The following RYR3 variants were observed in gnomAD, a reference collection of about 807,000 sequenced individuals.
RYR3 encodes the protein brain ryanodine receptor-calcium release channel.
RYR3 carries 207 observed loss-of-function variants against 584.3 expected under a neutral mutation model. The observed-to-expected ratio is 0.35, with a 90% CI of 0.32 to 0.40. The LOEUF (loss-of-function observed/expected upper bound fraction) is 0.40, where lower values mean the gene tolerates loss of function less well. RYR3 is among the 10% of genes least tolerant of loss of function. The pLI is 1.00. For synonymous variants in RYR3, 2,416 were observed against 2,248.5 expected, an observed-to-expected ratio of 1.07 and a Z score of -2.11; for missense variants, 5,616 against 6,089.2, an observed-to-expected ratio of 0.92 and a Z score of 2.59.
chr15:33,656,116 T>C (rs1209259515), intron 32 of RYR3, among the ~76,000 whole-genome samples: 1 of 152,210 alleles, frequency 6.6e-6, no homozygotes, highest in Non-Finnish European at 1.5e-5. Context: ...CAGGCAGCTA[T>C]GAGGTTTGGA....
chr15:33,351,739 A>G (rs946224005), intron 1 of RYR3, among the ~76,000 whole-genome samples: 1 of 151,580 alleles, frequency 6.6e-6, no homozygotes, highest in African/African-American at 2.4e-5. Context: ...TCAATAAATT[A>G]GGTATTGATG....
In RYR3 at chr15:33,580,075, G is replaced by C; in HGVS notation, c.1368G>C (p.Glu456Asp). 1 of 1,613,646 alleles carries C rather than the reference G, an allele frequency of 6.2e-7. No individual in the cohort carries two copies. The highest frequency in any genetic ancestry group is 8.5e-7 in the Non-Finnish European group (1 of 1,179,740). ...LIAYFQPPEE[E>D]MRHEDKQNKL... is the part of the protein sequence containing the mutation. ...CCTACTTCCAGCCCCCAGAGGAGGA[G>C]ATGCGACATGAAGACAAGCAGAACA... Residue 456 changes from glutamate to aspartate, a missense_variant, in exon 13 of 104, where the codon GAG becomes GAC. Coordinates refer to ENST00000634891, the MANE Select transcript of RYR3 (RefSeq NM_001036.6).
chr15:33,556,383 A>G (rs559079685), intron 10 of RYR3, among the ~76,000 whole-genome samples: 1 of 152,290 alleles, frequency 6.6e-6, no homozygotes, highest in Non-Finnish European at 1.5e-5. Context: ...TCTGTGTTTC[A>G]GTGGCTTTCC....
chr15:33,508,486 A>G (rs1169713616), intron 3 of RYR3, among the ~76,000 whole-genome samples: 1 of 151,982 alleles, frequency 6.6e-6, no homozygotes, highest in Non-Finnish European at 1.5e-5. Context: ...CATCTCTACT[A>G]AAAATACAAA....
intron 65 of RYR3, among the ~76,000 whole-genome samples, chr15:33,781,536 C>T (rs962346452): frequency 2.0e-5 from 3 of 152,142 alleles, no homozygotes; most frequent in African/African-American, 7.2e-5. Flanking sequence ...TTTTCTTTGC[C>T]ACTGCTGTTT....
At chr15:33,719,779 C>G (rs897925422) in intron 43 of RYR3, among the ~76,000 whole-genome samples, 13 of 152,162 alleles carry the variant, frequency 8.5e-5, no homozygotes, top group African/African-American at 3.1e-4. Context: ...ATGGTAGGTT[C>G]AACTGATAGG....
At chr15:33,582,819 AAGCTG>A (rs2058661355) in intron 14 of RYR3, among the ~76,000 whole-genome samples, 1 of 152,138 alleles carries the variant, frequency 6.6e-6, no homozygotes. Context: ...TGAAGATGCA[AAGCTG>A]AGGCCCTAGA....
chr15:33,549,114 CG>C (rs2056475809), intron 9 of RYR3, among the ~76,000 whole-genome samples: 2 of 151,944 alleles, frequency 1.3e-5, no homozygotes, highest in Non-Finnish European at 2.9e-5. Flanking sequence ...TAAGGAACAC[CG>C]GTTTTAAGGA....
At chr15:33,763,910 A>G (rs1301740688) in intron 60 of RYR3, among the ~76,000 whole-genome samples, 2 of 132,310 alleles carry the variant, frequency 1.5e-5, no homozygotes, top group Non-Finnish European at 3.2e-5. Context: ...AAAAAAAAAA[A>G]AAAAAATCAG....
intron 5 of RYR3, among the ~76,000 whole-genome samples, chr15:33,534,414 TA>T (rs1473288238): frequency 6.6e-6 from 1 of 152,180 alleles, no homozygotes; most frequent in Non-Finnish European, 1.5e-5. Flanking sequence ...AAGAAAAAAG[TA>T]GTAAAACTGA....
intron 38 of RYR3, among the ~76,000 whole-genome samples, chr15:33,693,222 G>A (rs78589811): frequency 0.012 from 1,790 of 152,318 alleles, 36 homozygotes; most frequent in African/African-American, 0.041. Context: ...GCATCCATAC[G>A]TATTGGTGGT....
At chr15:33,787,820 C>G (rs1466411048) in intron 66 of RYR3, among the ~76,000 whole-genome samples, 2 of 152,208 alleles carry the variant, frequency 1.3e-5, no homozygotes, top group Admixed American at 1.3e-4. Context: ...GCAGTACTTG[C>G]TGTTAATAAA....
chr15:33,542,754 G>A (rs2055925849), intron 7 of RYR3, among the ~76,000 whole-genome samples: 1 of 151,988 alleles, frequency 6.6e-6, no homozygotes, highest in Non-Finnish European at 1.5e-5. Context: ...TTCTGACACA[G>A]ACATTGGGTA....
chr15:33,665,252 C>T (rs1376580682), intron 36 of RYR3, among the ~76,000 whole-genome samples: 1 of 152,160 alleles, frequency 6.6e-6, no homozygotes, highest in Non-Finnish European at 1.5e-5. Flanking sequence ...CCCCATTGCT[C>T]GCTGTGTGGT....
chr15:33,693,646 A>C (rs184840953), intron 38 of RYR3, among the ~76,000 whole-genome samples: 1 of 152,242 alleles, frequency 6.6e-6, no homozygotes, highest in Non-Finnish European at 1.5e-5. Flanking sequence ...AACATTATCA[A>C]CAGCATCCCA....
chr15:33,481,677 T>C (rs2049980090), intron 2 of RYR3, among the ~76,000 whole-genome samples: 1 of 152,192 alleles, frequency 6.6e-6, no homozygotes, highest in South Asian at 2.1e-4. Context: ...AGATGGGGTT[T>C]CACCATGTTG....
chr15:33,619,021 A>G (rs900330879), intron 19 of RYR3, among the ~76,000 whole-genome samples: 6 of 152,180 alleles, frequency 3.9e-5, no homozygotes, highest in Non-Finnish European at 8.8e-5. Flanking sequence ...AAGTAAATAA[A>G]AATTTCCTCT....
intron 17 of RYR3, among the ~76,000 whole-genome samples, chr15:33,602,396 T>A (rs1455833361): frequency 6.6e-6 from 1 of 152,184 alleles, no homozygotes; most frequent in Non-Finnish European, 1.5e-5. Flanking sequence ...CTTAATGAGG[T>A]TGCCTAGTAA....
chr15:33,840,314 G>T lies in RYR3; in HGVS notation c.12979-511G>T, dbSNP rs1486085095. 4.6e-5 allele frequency among the ~76,000 whole-genome samples: 7 copies of T among 152,300 alleles called. No individual in the cohort carries two copies. In the South Asian group the frequency reaches 1.5e-3, roughly 32 times the overall value. ...TTTGGGTGTGGGACACGAGTCAAAT[G>T]GTACAAGATGGGGATGAAGAGAAAC... On this transcript the variant is annotated intron_variant, in intron 89 of 103. Transcript: ENST00000634891.
Sources: allele counts gnomAD v4.1 joint callset (sites outside exome capture counted in the v4.1 genomes callset), GRCh38; gene constraint gnomAD v4.1.1; transcripts MANE v1.5; gene names NCBI Gene and HGNC (gene_info 2026-07-23, HGNC 2026-07-21).